FAM83H: variants seen among roughly 807,000 people sequenced by gnomAD.
The protein encoded by FAM83H is scaffolding CK1 anchoring protein H, also known as protein FAM83H.
Under a neutral mutation model 30.2 loss-of-function variants are expected in FAM83H, and 24 were observed. The observed-to-expected ratio is 0.79, with a 90% CI of 0.57 to 1.12. FAM83H has a LOEUF of 1.12. Ranked by LOEUF, FAM83H falls within the 50% of genes most tolerant of loss-of-function variation. FAM83H has a pLI of 0.00. For missense variants in FAM83H, 2,038 were observed against 1,773.9 expected (o/e 1.15, Z -2.67); for synonymous variants, 1,013 against 821.7 (o/e 1.23, Z -3.98).
At chr8:143,729,915 G>A (rs1441149469) in intron 2 of FAM83H, among the ~76,000 whole-genome samples, 2 of 152,158 alleles carry the variant, frequency 1.3e-5, no homozygotes, top group African/African-American at 2.4e-5. Flanking sequence ...GAGCCCCCGA[G>A]TTTCTGGGCA....
At chr8:143,729,533 G>A (rs1237667575) in intron 2 of FAM83H, among the ~76,000 whole-genome samples, 1 of 152,184 alleles carries the variant, frequency 6.6e-6, no homozygotes, top group Non-Finnish European at 1.5e-5. Flanking sequence ...CCATAAGGGG[G>A]AAACCGAGGC....
chr8:143,727,709 G>A lies in FAM83H; in HGVS notation c.1752C>T (p.Ala584=), dbSNP rs1554622803. 1 of 1,553,502 alleles carries A rather than the reference G, an allele frequency of 6.4e-7. No individual in the cohort carries two copies. The change falls in exon 5 of 5, where the codon GCC becomes GCT. Residue 584 remains alanine (A), a synonymous_variant. Transcript: ENST00000388913. ...CGCCGTGGCAGCCGCTCAAGTAGGAGGCCAAACGCCAGCGCCGCAGCCCTG... is the reference window on the plus strand; with the variant it reads ...CGCCGTGGCAGCCGCTCAAGTAGGAAGCCAAACGCCAGCGCCGCAGCCCTG... ...GRAGLRRWRL[A]SYLSGCHGED...
In FAM83H at chr8:143,727,901, G is replaced by A. The variant is rs1554622935; in HGVS notation, c.1560C>T (p.Arg520=). The A allele has an allele frequency of 1.4e-6, 2 of 1,460,490 alleles. No homozygotes were observed. Among genetic ancestry groups the A allele is most frequent in the East Asian group, 2.8e-5 (1 of 36,084 alleles). The allele number at this position is 1,460,490 out of a possible 1,614,324, so 90.5% of individuals were successfully genotyped here. A position where few individuals can be genotyped will look rare whatever the true frequency, so the allele number is the denominator to read the frequency against. Reference sequence around the variant, plus strand: ...GCGCGAAGGCGGGGTCCGAGCCGTGGCGCACCTCGCGGGACGCGCTGGACG... The same window carrying A: ...GCGCGAAGGCGGGGTCCGAGCCGTGACGCACCTCGCGGGACGCGCTGGACG... ...YVPSSASREV[R]HGSDPAFAPG... is the part of the protein sequence containing the mutation. The change falls in exon 5 of 5, where the codon CGC becomes CGT. Residue 520 remains arginine, a synonymous_variant. Coordinates refer to ENST00000388913, the MANE Select transcript of FAM83H (RefSeq NM_198488.5).
intron 1 of FAM83H, chr8:143,731,482 G>A (rs1481891979): frequency 3.2e-5 from 32 of 985,262 alleles, no homozygotes; most frequent in Non-Finnish European, 3.7e-5. Context: ...CCATCCTCAG[G>A]GTTTCACAAT....
Position 143,724,343 on chromosome 8 carries a change from G to A in FAM83H, c.*1578C>T, listed in dbSNP as rs781800171. 1 of 151,978 alleles carries A rather than the reference G, an allele frequency of 6.6e-6. No individual in the cohort carries two copies. The highest frequency in any genetic ancestry group is 1.5e-5 in the Non-Finnish European group (1 of 68,020). The allele number at this position is 151,978 out of a possible 1,614,324, so 9.4% of individuals were successfully genotyped here. A position where few individuals can be genotyped will look rare whatever the true frequency, so the allele number is the denominator to read the frequency against. ...TGTTTCTTAAATCAGTTCCCTCTTAGGATTTATTACACTAAAAAAAAAATT... is the reference window on the plus strand; with the variant it reads ...TGTTTCTTAAATCAGTTCCCTCTTAAGATTTATTACACTAAAAAAAAAATT... On this transcript the variant is annotated 3_prime_UTR_variant, in exon 5 of 5. Transcript: ENST00000388913.
intron 1 of FAM83H, chr8:143,731,434 C>G (rs1554624458): frequency 2.0e-6 from 2 of 985,260 alleles, no homozygotes; most frequent in East Asian, 1.1e-4. Context: ...GAATGGCAAC[C>G]TTAAGCCCCA....
Position 143,727,201 on chromosome 8 carries a change from C to T in FAM83H, c.2260G>A (p.Ala754Thr), listed in dbSNP as rs554730944. The change falls in exon 5 of 5, where the codon GCC (alanine) becomes ACC (threonine). Residue 754 changes from alanine to threonine, a missense_variant. Transcript: ENST00000388913. ...TTGCTGTGGCTGGCAACGGTGATGGCGCCCGCGCCGCCGCCGGGATCACGG... is the reference window on the plus strand; with the variant it reads ...TTGCTGTGGCTGGCAACGGTGATGGTGCCCGCGCCGCCGCCGGGATCACGG... ...PARDPGGGAG[A>T]ITVASHSKAV... 3.3e-6 allele frequency: 5 copies of T among 1,533,210 alleles called. No individual in the cohort carries two copies. In the African/African-American group the frequency reaches 4.1e-5, roughly 13 times the overall value. 95.0% of individuals were successfully genotyped at this position (1,533,210 alleles called of 1,614,324 possible). A position where few individuals can be genotyped will look rare whatever the true frequency, so the allele number is the denominator to read the frequency against.
Position 143,730,160 on chromosome 8 carries a change from G to A in FAM83H, c.423C>T (p.Arg141=), listed in dbSNP as rs781847770. Residue 141 remains arginine, a synonymous_variant, in exon 2 of 5, where the codon CGC becomes CGT. Coordinates refer to ENST00000388913, the MANE Select transcript of FAM83H (RefSeq NM_198488.5). ...CCTGCTGGGCGGAACGGATCATCCT[G>A]CGGGCCTCATCCTTGATACTGGGGC... ...PDSPSIKDEA[R]RMIRSAQQVV... is the part of the protein sequence containing the mutation. The A allele has an allele frequency of 1.9e-6, 3 of 1,594,148 alleles. No homozygotes were observed. The highest frequency in any genetic ancestry group is 2.7e-5 in the African/African-American group (2 of 74,580).
In FAM83H at chr8:143,728,537, G is replaced by T; in HGVS notation, c.924C>A (p.Leu308=). ...ALAPYAGAGP[L]VGVPGVGAPT... ...GCGCCCCGACCCCAGGGACGCCCAC[G>T]AGAGGCCCGGCCCCGGCATACGGAG... Residue 308 remains leucine, a synonymous_variant, in exon 5 of 5, where the codon CTC becomes CTA. Coordinates refer to ENST00000388913, the MANE Select transcript of FAM83H (RefSeq NM_198488.5). The T allele has an allele frequency of 6.4e-7, 1 of 1,569,260 alleles. No homozygotes were observed. The highest frequency in any genetic ancestry group is 8.6e-7 in the Non-Finnish European group (1 of 1,157,760).
rs1818478236 is a variant in FAM83H at position 143,730,474 on chromosome 8, C to CG, written c.108dup (p.Glu37ArgfsTer23). 1 of 1,609,598 alleles carries CG rather than the reference C, an allele frequency of 6.2e-7. No homozygotes were observed. Among genetic ancestry groups the CG allele is most frequent in the Non-Finnish European group, 8.5e-7 (1 of 1,178,362 alleles). ...CGGCTGTAGGCCTCCGAGCCACCCT[C>CG]GGCCAGTGCATCCACCGCCAGGCGG... On this transcript the variant is annotated frameshift_variant, in exon 2 of 5. Coordinates refer to ENST00000388913, the MANE Select transcript of FAM83H (RefSeq NM_198488.5). LOFTEE classifies it high-confidence loss of function.
In FAM83H at chr8:143,732,709, T is replaced by G. The variant is rs28472457; in HGVS notation, c.-16+982A>C. 5,661 of 985,322 alleles carry G rather than the reference T, an allele frequency of 5.7e-3. 228 individuals carry two copies. The African/African-American group carries it at 0.088, about 15-fold the overall frequency. The allele number at this position is 985,322 out of a possible 1,614,324, so 61.0% of individuals were successfully genotyped here. A position where few individuals can be genotyped will look rare whatever the true frequency, so the allele number is the denominator to read the frequency against. On this transcript the variant is annotated intron_variant, in intron 1 of 4. Transcript: ENST00000388913. ...TCGTCTCCTTTCATGGGTACGTGTC[T>G]CCTGGGCTATGGACGGGGCTGCAGC...
At position 143,726,723 on chromosome 8, in the gene FAM83H, C is replaced by A; in HGVS notation, c.2738G>T (p.Gly913Val). ...SPTSAYPERR[G>V]SPVPPVPERR... ...CTCCGGCACGGGGGGCACCGGACTA[C>A]CCCTGCGCTCGGGGTAGGCTGAGGT... Residue 913 changes from glycine (G) to valine (V), a missense_variant, in exon 5 of 5, where the codon GGT becomes GTT. By Grantham distance (109) the Gly-to-Val change is moderately radical. Transcript: ENST00000388913. 1 of 1,609,188 alleles carries A rather than the reference C, an allele frequency of 6.2e-7. No homozygotes were observed. The highest frequency in any genetic ancestry group is 1.7e-5 in the Admixed American group (1 of 59,846).
Position 143,729,177 on chromosome 8 carries a change from G to A in FAM83H, c.594C>T (p.Val198=). 1 of 1,613,718 alleles carries A rather than the reference G, an allele frequency of 6.2e-7. No individual in the cohort carries two copies. The highest frequency in any genetic ancestry group is 8.5e-7 in the Non-Finnish European group (1 of 1,180,020). ...AACTCACATCCACGTGCTGCAGGTT[G>A]ACACGGCACTTGTCGGCCATGTCCA... ...HFLDMADKCR[V]NLQHVDFLRV... Residue 198 remains valine (V), a synonymous_variant, in exon 3 of 5, where the codon GTC becomes GTT. Transcript: ENST00000388913.
rs1332967093 is a variant in FAM83H at position 143,726,312 on chromosome 8, T to C, written c.3149A>G (p.His1050Arg). 3.1e-6 allele frequency: 5 copies of C among 1,612,058 alleles called. No individual in the cohort carries two copies. The highest frequency in any genetic ancestry group is 1.3e-5 in the African/African-American group (1 of 74,908). The change falls in exon 5 of 5, where the codon CAC (histidine) becomes CGC (arginine). Residue 1050 changes from histidine to arginine, a missense_variant. His to Arg is a conservative substitution (Grantham distance 29, BLOSUM62 0). Transcript: ENST00000388913. The part of the protein sequence containing the change: ...TKAILEQISA[H>R]GQKHRAVPAP... The stretch of plus-strand genomic sequence containing the variant: ...AGGGACCGCACGGTGCTTCTGGCCG[T>C]GGGCACTGATCTGCTCCAGAATGGC...
At chr8:143,732,497 C>T in intron 1 of FAM83H, 3 of 985,378 alleles carry the variant, frequency 3.0e-6, no homozygotes, top group South Asian at 9.4e-5. Context: ...CTTCCCGACA[C>T]TGGGGGGACA....
rs1159950401 is a variant in FAM83H, at chr8:143,724,015, C to T, written c.*1906G>A. Reference sequence around the variant, plus strand: ...GGTGGAGGGTGCAGGCAGGAGGCTCCGAAGGCCCAGGCAGGGCCGCCAGCC... The same window carrying T: ...GGTGGAGGGTGCAGGCAGGAGGCTCTGAAGGCCCAGGCAGGGCCGCCAGCC... On this transcript the variant is annotated 3_prime_UTR_variant, in exon 5 of 5. Transcript: ENST00000388913. 3.3e-5 allele frequency: 5 copies of T among 152,236 alleles called. No individual in the cohort carries two copies. Among genetic ancestry groups the T allele is most frequent in the African/African-American group, 9.7e-5 (4 of 41,440 alleles). The allele number at this position is 152,236 out of a possible 1,614,324, so 9.4% of individuals were successfully genotyped here. A position where few individuals can be genotyped will look rare whatever the true frequency, so the allele number is the denominator to read the frequency against.
rs1818335184 is a variant in FAM83H, at chr8:143,727,265, G to A, written c.2196C>T (p.Thr732=). 1 of 1,535,320 alleles carries A rather than the reference G, an allele frequency of 6.5e-7. No homozygotes were observed. The highest frequency in any genetic ancestry group is 2.0e-5 in the Admixed American group (1 of 50,960). ...ACTTCTCCAGCAGCTCCGCCACCTTGGTGGAAGCCGCGGAGCGCACGGCCT... is the reference window on the plus strand; with the variant it reads ...ACTTCTCCAGCAGCTCCGCCACCTTAGTGGAAGCCGCGGAGCGCACGGCCT... ...GGEAVRSAAS[T]KVAELLEKYK... The change falls in exon 5 of 5, where the codon ACC becomes ACT. Residue 732 remains threonine (T), a synonymous_variant. Coordinates refer to ENST00000388913, the MANE Select transcript of FAM83H (RefSeq NM_198488.5).
rs782436270 is a variant in FAM83H at position 143,728,026 on chromosome 8, C to G, written c.1435G>C (p.Gly479Arg). 10 of 1,604,834 alleles carry G rather than the reference C, an allele frequency of 6.2e-6. No individual in the cohort carries two copies. The South Asian group carries it at 6.6e-5, about 11-fold the overall frequency. Residue 479 changes from glycine (G) to arginine (R), a missense_variant, in exon 5 of 5, where the codon GGC (glycine) becomes CGC (arginine). By Grantham distance (125) the Gly-to-Arg change is moderately radical. Transcript: ENST00000388913. Reference sequence around the variant, plus strand: ...TCCGGGTCCGCGAAACCCGCGCGGCCCCCGCGAAGCTTCTCGAACAGGCCT... The same window carrying G: ...TCCGGGTCCGCGAAACCCGCGCGGCGCCCGCGAAGCTTCTCGAACAGGCCT... ...PQGLFEKLRGGRAGFADPDDF... is the reference protein window; with the variant it reads ...PQGLFEKLRGRRAGFADPDDF...
chr8:143,732,071 C>T (rs377101075), intron 1 of FAM83H: 10 of 985,288 alleles, frequency 1.0e-5, no homozygotes, highest in South Asian at 9.4e-5. Context: ...TGCCCCTGGG[C>T]GCTGACAGGA....
Sources: gnomAD v4.1 joint callset for allele counts (sites outside exome capture counted in the v4.1 genomes callset) on GRCh38, gnomAD v4.1.1 for gene constraint, MANE v1.5 for transcripts, NCBI Gene and HGNC (gene_info 2026-07-23, HGNC 2026-07-21) for gene names.